TFAP2E: variants seen among roughly 807,000 people sequenced by gnomAD.
The protein encoded by TFAP2E is transcription factor AP-2 epsilon.
Under a neutral mutation model 37.9 loss-of-function variants are expected in TFAP2E, and 30 were observed. That is an observed-to-expected ratio of 0.79 (90% CI 0.59 to 1.07). The LOEUF (loss-of-function observed/expected upper bound fraction) is 1.07, where lower values mean the gene tolerates loss of function less well. TFAP2E is among the 50% of genes least tolerant of loss of function. The probability of loss-of-function intolerance (pLI) is 0.00; values close to 1 mark genes in which losing one functional copy is unlikely to be tolerated. For missense variants in TFAP2E, 567 were observed against 637.9 expected (o/e 0.89, Z 1.20); for synonymous variants, 318 against 295.8 (o/e 1.08, Z -0.77).
intron 3 of TFAP2E, among the ~76,000 whole-genome samples, chr1:35,586,233 C>T (rs1649475731): frequency 6.6e-6 from 1 of 152,194 alleles, no homozygotes; most frequent in Non-Finnish European, 1.5e-5. Context: ...AAGCTGTGAA[C>T]TCTGGAGTCA....
At chr1:35,589,560 GTC>G (rs775635268) in intron 4 of TFAP2E, among the ~76,000 whole-genome samples, 1 of 151,950 alleles carries the variant, frequency 6.6e-6, no homozygotes, top group Non-Finnish European at 1.5e-5. Context: ...CTCCCCATGT[GTC>G]TCTCTTTCTG....
rs1266749606 is a variant in TFAP2E, at chr1:35,573,440, A to G, written c.-138A>G. Reference sequence around the variant, plus strand: ...CGCTGAGGACCCCACGCCCACTAGGATCCCGGCTGGGTCGCACCCAGCTAC... The same window carrying G: ...CGCTGAGGACCCCACGCCCACTAGGGTCCCGGCTGGGTCGCACCCAGCTAC... On this transcript the variant is annotated 5_prime_UTR_variant, in exon 1 of 7. Transcript: ENST00000373235. The surrounding 1 kb of genome is among the most constrained non-coding windows in gnomAD (Gnocchi z 5.9). The G allele has an allele frequency of 8.4e-7, 1 of 1,197,312 alleles. No individual in the cohort carries two copies. Among genetic ancestry groups the G allele is most frequent in the Non-Finnish European group, 1.1e-6 (1 of 913,886 alleles). 74.2% of individuals were successfully genotyped at this position (1,197,312 alleles called of 1,614,324 possible). A position where few individuals can be genotyped will look rare whatever the true frequency, so the allele number is the denominator to read the frequency against.
Position 35,590,127 on chromosome 1 carries a change from G to T in TFAP2E, c.904+79G>T, listed in dbSNP as rs1649615974. 1 of 1,362,896 alleles carries T rather than the reference G, an allele frequency of 7.3e-7. No individual in the cohort carries two copies. Among genetic ancestry groups the T allele is most frequent in the African/African-American group, 1.4e-5 (1 of 69,982 alleles). The allele number at this position is 1,362,896 out of a possible 1,614,324, so 84.4% of individuals were successfully genotyped here. A position where few individuals can be genotyped will look rare whatever the true frequency, so the allele number is the denominator to read the frequency against. On this transcript the variant is annotated intron_variant, in intron 5 of 6. Transcript: ENST00000373235. This position sits in a 1 kb window ranked among gnomAD's most constrained non-coding sequence, Gnocchi z 6.2. ...TCTGGTGTGACTGTCTCTAATGCAG[G>T]AGGGTGTGTTTAGTGGTGTGTGTGT...
intron 3 of TFAP2E, among the ~76,000 whole-genome samples, chr1:35,585,107 G>A (rs555559691): frequency 6.6e-6 from 1 of 152,190 alleles, no homozygotes; most frequent in South Asian, 2.1e-4. Flanking sequence ...ACAGGGGTTG[G>A]TGCCTAAACT....
In TFAP2E at chr1:35,590,720, C is replaced by T. The variant is rs755107832; in HGVS notation, c.991C>T (p.Gln331Ter). The T allele has an allele frequency of 2.6e-6, 4 of 1,552,740 alleles. No homozygotes were observed. Among genetic ancestry groups the T allele is most frequent in the South Asian group, 2.4e-5 (2 of 84,132 alleles). Residue 331 changes from glutamine (Q) to a stop codon, truncating the protein, a stop_gained, in exon 6 of 7, where the codon CAG becomes TAG. Coordinates refer to ENST00000373235, the MANE Select transcript of TFAP2E (RefSeq NM_178548.4). LOFTEE classifies it high-confidence loss of function. The surrounding 1 kb of genome is among the most constrained non-coding windows in gnomAD (Gnocchi z 6.2). ...AKAAAEYLCR[Q>*]HADPGELHSR... is the part of the protein sequence containing the mutation. ...GGCAGCTGCCGAGTACCTGTGCCGA[C>T]AGCACGCTGACCCGGGGGAGCTGCA...
chr1:35,573,880 C>T lies in TFAP2E; in HGVS notation c.28-47C>T. The T allele has an allele frequency of 7.0e-7, 1 of 1,427,362 alleles. No homozygotes were observed. The highest frequency in any genetic ancestry group is 9.1e-7 in the Non-Finnish European group (1 of 1,100,946). 88.4% of individuals were successfully genotyped at this position (1,427,362 alleles called of 1,614,324 possible). On this transcript the variant is annotated intron_variant, in intron 1 of 6. Transcript: ENST00000373235. The surrounding 1 kb of genome is among the most constrained non-coding windows in gnomAD (Gnocchi z 5.9). ...AGGAGGATCCTTTCAGGCTGGGGTC[C>T]TTTCAGCTGCCAGTGGGTCACCTAA... is the stretch of plus-strand genomic sequence containing the variant.
chr1:35,582,113 C>T (rs1649366959), intron 3 of TFAP2E, among the ~76,000 whole-genome samples: 1 of 151,666 alleles, frequency 6.6e-6, no homozygotes, highest in African/African-American at 2.4e-5. Flanking sequence ...CTCCTGATCT[C>T]ATGATCCATC....
intron 3 of TFAP2E, among the ~76,000 whole-genome samples, chr1:35,583,876 AG>A (rs1649415404): frequency 6.6e-6 from 1 of 152,130 alleles, no homozygotes; most frequent in Admixed American, 6.6e-5. Context: ...TGAGAAAAAA[AG>A]GGACAGGTGG....
intron 2 of TFAP2E, 167 bp downstream of exon 2, chr1:35,574,576 G>A: frequency 8.3e-7 from 1 of 1,211,716 alleles, no homozygotes. Flanking sequence ...ACGTTGCCTG[G>A]CCATCAAGGC....
At chr1:35,583,653 G>A (rs1553121708) in intron 3 of TFAP2E, among the ~76,000 whole-genome samples, 1 of 149,740 alleles carries the variant, frequency 6.7e-6, no homozygotes, top group Non-Finnish European at 1.5e-5. Context: ...AATGGCTTCT[G>A]CATATGTGAC....
intron 2 of TFAP2E, chr1:35,574,664 G>T: frequency 1.5e-6 from 1 of 673,384 alleles, no homozygotes; most frequent in South Asian, 2.1e-5. Flanking sequence ...TTTTCTCCCC[G>T]CTGCCACGTG....
In TFAP2E at chr1:35,590,926, A is replaced by G. The variant is rs112930708; in HGVS notation, c.1046+151A>G. 11,083 of 898,710 alleles carry G rather than the reference A, an allele frequency of 0.012. 541 individuals are homozygous for G. Among genetic ancestry groups the G allele is most frequent in the African/African-American group, 0.12 (6,832 of 58,336 alleles). The allele number at this position is 898,710 out of a possible 1,614,324, so 55.7% of individuals were successfully genotyped here. On this transcript the variant is annotated intron_variant, in intron 6 of 6. Coordinates refer to ENST00000373235, the MANE Select transcript of TFAP2E (RefSeq NM_178548.4). The surrounding 1 kb of genome is among the most constrained non-coding windows in gnomAD (Gnocchi z 6.2). ...GTACACGAGCAGTGGGCACACACAC[A>G]TACGTGCGCACCACTGTGTACATCA...
At position 35,588,556 on chromosome 1, in the gene TFAP2E, G is replaced by A. The variant is rs927210975; in HGVS notation, c.785+4G>A. On this transcript the variant is annotated splice_donor_region_variant and intron_variant, in intron 4 of 6. Coordinates refer to ENST00000373235, the MANE Select transcript of TFAP2E (RefSeq NM_178548.4). The surrounding 1 kb of genome is among the most constrained non-coding windows in gnomAD (Gnocchi z 5.1). ...TCCTGGGGGGTGTCCTCCGCAGGTA[G>A]GAAGGCCAGCCCACAATTCCCCGCC... is the stretch of plus-strand genomic sequence containing the variant. 4.5e-6 allele frequency: 7 copies of A among 1,565,958 alleles called. No individual in the cohort carries two copies. The highest frequency in any genetic ancestry group is 1.2e-5 in the South Asian group (1 of 85,394).
chr1:35,592,245 G>A (rs963736606), intron 6 of TFAP2E, among the ~76,000 whole-genome samples: 2 of 150,992 alleles, frequency 1.3e-5, no homozygotes, highest in South Asian at 2.1e-4. Context: ...TGATTGCATC[G>A]CTGTACTCTA....
rs1649221372 is a variant in TFAP2E at position 35,577,718 on chromosome 1, C to A, written c.562+2718C>A. 3.4e-6 allele frequency: 1 copy of A among 296,798 alleles called. No individual in the cohort carries two copies. Among genetic ancestry groups the A allele is most frequent in the African/African-American group, 2.2e-5 (1 of 45,334 alleles). 18.4% of individuals were successfully genotyped at this position (296,798 alleles called of 1,614,324 possible). On this transcript the variant is annotated intron_variant, in intron 3 of 6. Transcript: ENST00000373235. The surrounding 1 kb of genome is among the most constrained non-coding windows in gnomAD (Gnocchi z 6.3). ...CGCCGCGGGGCAGAGGCACCTGGAGCTCGCAGGGCCCAGACCTGGGTTGGA... is the reference window on the plus strand; with the variant it reads ...CGCCGCGGGGCAGAGGCACCTGGAGATCGCAGGGCCCAGACCTGGGTTGGA...
chr1:35,590,724 A>G lies in TFAP2E; in HGVS notation c.995A>G (p.His332Arg), dbSNP rs1454480841. Residue 332 changes from histidine to arginine, a missense_variant, in exon 6 of 7, where the codon CAC becomes CGC. His to Arg is a conservative substitution (Grantham distance 29). Around this residue, in one of 3 missense-constraint regions of TFAP2E, gnomAD observed 252 missense variants for 302.6 expected, o/e 0.83. Coordinates refer to ENST00000373235, the MANE Select transcript of TFAP2E (RefSeq NM_178548.4). This position sits in a 1 kb window ranked among gnomAD's most constrained non-coding sequence, Gnocchi z 6.2. Reference sequence around the variant, plus strand: ...GCTGCCGAGTACCTGTGCCGACAGCACGCTGACCCGGGGGAGCTGCACAGC... The same window carrying G: ...GCTGCCGAGTACCTGTGCCGACAGCGCGCTGACCCGGGGGAGCTGCACAGC... ...KAAAEYLCRQ[H>R]ADPGELHSRK... 6.5e-7 allele frequency: 1 copy of G among 1,549,428 alleles called. No homozygotes were observed. Among genetic ancestry groups the G allele is most frequent in the Non-Finnish European group, 8.8e-7 (1 of 1,137,920 alleles).
rs1269620175 is a variant in TFAP2E, at chr1:35,588,597, C to G, written c.785+45C>G. The G allele has an allele frequency of 2.7e-6, 4 of 1,508,000 alleles. No homozygotes were observed. Among genetic ancestry groups the G allele is most frequent in the Non-Finnish European group, 8.9e-7 (1 of 1,122,942 alleles). 93.4% of individuals were successfully genotyped at this position (1,508,000 alleles called of 1,614,324 possible). On this transcript the variant is annotated intron_variant, in intron 4 of 6. Coordinates refer to ENST00000373235, the MANE Select transcript of TFAP2E (RefSeq NM_178548.4). The surrounding 1 kb of genome is among the most constrained non-coding windows in gnomAD (Gnocchi z 5.1). ...ATTCCCCGCCTGATTGGATCCCTGG[C>G]CTCTTCAGGCCTTCTCAAGGCATCA...
chr1:35,594,841 G>C lies in TFAP2E; in HGVS notation c.*165G>C, dbSNP rs1023710268. On this transcript the variant is annotated 3_prime_UTR_variant, in exon 7 of 7. Transcript: ENST00000373235. ...GGGGATCTGGCTTGGAGTAAGGGAGGGTGGCCTCTCTGTGGTGGTGTGTTG... is the reference window on the plus strand; with the variant it reads ...GGGGATCTGGCTTGGAGTAAGGGAGCGTGGCCTCTCTGTGGTGGTGTGTTG... 9.6e-7 allele frequency: 1 copy of C among 1,044,936 alleles called. No homozygotes were observed. Among genetic ancestry groups the C allele is most frequent in the African/African-American group, 1.6e-5 (1 of 61,792 alleles). The allele number at this position is 1,044,936 out of a possible 1,614,324, so 64.7% of individuals were successfully genotyped here. A position where few individuals can be genotyped will look rare whatever the true frequency, so the allele number is the denominator to read the frequency against.
intron 3 of TFAP2E, among the ~76,000 whole-genome samples, chr1:35,582,222 T>G (rs748730975): frequency 6.6e-5 from 10 of 152,144 alleles, no homozygotes; most frequent in African/African-American, 9.7e-5. Flanking sequence ...TCAGTATAGT[T>G]TTAATTTGCA....
Sources: allele counts gnomAD v4.1 joint callset (sites outside exome capture counted in the v4.1 genomes callset), GRCh38; gene constraint gnomAD v4.1.1; regional missense constraint gnomAD v4.1.1; non-coding constraint Gnocchi (gnomAD v3.1); transcripts MANE v1.5; gene names NCBI Gene and HGNC (gene_info 2026-07-23, HGNC 2026-07-21).